Variants in CACNB4 observed in about 807,000 individuals in gnomAD.
CACNB4 encodes voltage-dependent L-type calcium channel subunit beta-4.
A neutral mutation model predicts 71.2 loss-of-function variants in CACNB4; 32 were observed. That is an observed-to-expected ratio of 0.45 (90% CI 0.34 to 0.60). CACNB4 has a LOEUF of 0.60. Ranked by LOEUF, CACNB4 falls within the 20% of genes least tolerant of loss-of-function variation. The pLI is 0.01. For missense variants in CACNB4, 464 were observed against 647.9 expected, an observed-to-expected ratio of 0.72 and a Z score of 3.08; for synonymous variants, 231 against 236.9, an observed-to-expected ratio of 0.97 and a Z score of 0.23.
chr2:151,971,897 T>A, intron 2 of CACNB4: 1 of 400,884 alleles, frequency 2.5e-6, no homozygotes. Flanking sequence ...TCCACAGATG[T>A]GCACAGCCCG....
rs1403901918 is a variant in CACNB4, at chr2:151,876,182, TG to T, written c.521+243del. 2.0e-5 allele frequency among the ~76,000 whole-genome samples: 3 copies of T among 152,166 alleles called. No individual in the cohort carries two copies. The East Asian group carries it at 5.8e-4, about 29-fold the overall frequency. Reference sequence around the variant, plus strand: ...GAAGTGACTCTCCTAGAGGAAAGCTTGGGTTCCAAGGAGGGCTTGCTGAGGC... The same window carrying T: ...GAAGTGACTCTCCTAGAGGAAAGCTTGGTTCCAAGGAGGGCTTGCTGAGGC... On this transcript the variant is annotated intron_variant, in intron 5 of 13. Transcript: ENST00000539935.
At chr2:152,021,944 C>G (rs990498318) in intron 2 of CACNB4, among the ~76,000 whole-genome samples, 6 of 152,158 alleles carry the variant, frequency 3.9e-5, no homozygotes, top group African/African-American at 1.4e-4. Context: ...TATTTAAAGT[C>G]AAGGCTATAT....
intron 2 of CACNB4, among the ~76,000 whole-genome samples, chr2:152,015,767 C>A (rs1369181749): frequency 2.0e-5 from 3 of 152,212 alleles, no homozygotes; most frequent in African/African-American, 7.2e-5. Context: ...CGGGCAGAAG[C>A]AACAAATGAG....
intron 2 of CACNB4, among the ~76,000 whole-genome samples, chr2:152,088,140 A>C (rs922488581): frequency 4.4e-5 from 6 of 136,938 alleles, no homozygotes; most frequent in African/African-American, 1.7e-4. Context: ...TTCCCCACTT[A>C]ACACACACAC....
chr2:151,880,775 G>T (rs1269586812), intron 4 of CACNB4, 25 bp downstream of exon 4: 3 of 1,600,786 alleles, frequency 1.9e-6, no homozygotes, highest in East Asian at 2.2e-5. Flanking sequence ...GGCAGGTGAA[G>T]GGATGCAGTA....
intron 2 of CACNB4, among the ~76,000 whole-genome samples, chr2:152,051,844 C>G (rs1198612231): frequency 6.6e-6 from 1 of 152,298 alleles, no homozygotes; most frequent in Middle Eastern, 3.4e-3. Context: ...AATCACTAAC[C>G]GTTCTGTCTC....
intron 2 of CACNB4, among the ~76,000 whole-genome samples, chr2:151,954,138 T>G (rs1474079120): frequency 1.3e-5 from 2 of 152,230 alleles, no homozygotes; most frequent in Non-Finnish European, 2.9e-5. Context: ...AGTGTGTCCC[T>G]GAAGCAACAA....
At chr2:152,096,205 C>G (rs1427839730) in intron 2 of CACNB4, among the ~76,000 whole-genome samples, 1 of 151,882 alleles carries the variant, frequency 6.6e-6, no homozygotes, top group African/African-American at 2.4e-5. Context: ...TTAAGTAGCC[C>G]GGGCATGGTG....
chr2:151,879,637 C>A (rs1471983979), intron 4 of CACNB4: 1 of 152,158 alleles, frequency 6.6e-6, no homozygotes, highest in Non-Finnish European at 1.5e-5. Context: ...ATTTGGATTT[C>A]CCTAAAATGA....
chr2:152,027,724 C>T (rs946367203), intron 2 of CACNB4, among the ~76,000 whole-genome samples: 9 of 152,114 alleles, frequency 5.9e-5, no homozygotes, highest in South Asian at 2.1e-4. Flanking sequence ...TGGTGGCGCA[C>T]GCCTATAATT....
At chr2:151,933,938 T>C (rs569730947) in intron 2 of CACNB4, among the ~76,000 whole-genome samples, 7 of 152,322 alleles carry the variant, frequency 4.6e-5, no homozygotes, top group African/African-American at 9.6e-5. Flanking sequence ...TGCAGTCTCA[T>C]GGCTATAGAA....
intron 9 of CACNB4, chr2:151,861,105 A>G (rs2099841528): frequency 2.7e-6 from 1 of 375,216 alleles, no homozygotes; most frequent in African/African-American, 2.1e-5. Flanking sequence ...TATAATATAC[A>G]CCACACCAGG....
At chr2:151,897,375 T>C (rs2151493876) in intron 2 of CACNB4, among the ~76,000 whole-genome samples, 1 of 152,304 alleles carries the variant, frequency 6.6e-6, no homozygotes, top group East Asian at 1.9e-4. Context: ...ACACATACAA[T>C]CAACTATTAC....
intron 5 of CACNB4, chr2:151,873,571 A>G (rs1203367743): frequency 6.6e-6 from 1 of 152,184 alleles, no homozygotes; most frequent in African/African-American, 2.4e-5. Context: ...AAGGGATGGG[A>G]AGTACAGGGA....
chr2:151,856,563 T>G (rs116453179), intron 10 of CACNB4: 1 of 152,146 alleles, frequency 6.6e-6, no homozygotes, highest in Non-Finnish European at 1.5e-5. Context: ...GCACCCACCT[T>G]GGTCTCCCAA....
intron 2 of CACNB4, among the ~76,000 whole-genome samples, chr2:152,076,666 C>A (rs1368102469): frequency 6.6e-6 from 1 of 152,184 alleles, no homozygotes; most frequent in Admixed American, 6.5e-5. Context: ...GACATCCTGT[C>A]TATCCTTGTG....
At chr2:151,960,610 G>C (rs1214819238) in intron 2 of CACNB4, among the ~76,000 whole-genome samples, 1 of 152,140 alleles carries the variant, frequency 6.6e-6, no homozygotes, top group Non-Finnish European at 1.5e-5. Context: ...GACTGGAGGG[G>C]CATGCTCTTA....
intron 2 of CACNB4, among the ~76,000 whole-genome samples, chr2:151,957,582 C>T (rs1003453223): frequency 2.0e-5 from 3 of 152,148 alleles, no homozygotes; most frequent in Non-Finnish European, 4.4e-5. Context: ...GTGCTGTGTG[C>T]ACTGTCACAA....
At chr2:151,914,506 C>T (rs2099856985) in intron 2 of CACNB4, among the ~76,000 whole-genome samples, 1 of 152,160 alleles carries the variant, frequency 6.6e-6, no homozygotes, top group Non-Finnish European at 1.5e-5. Context: ...CAGTTCTGTG[C>T]CCTTGACAGA....
Sources: gnomAD v4.1 joint callset for allele counts (sites outside exome capture counted in the v4.1 genomes callset) on GRCh38, gnomAD v4.1.1 for gene constraint, MANE v1.5 for transcripts, NCBI Gene and HGNC (gene_info 2026-07-23, HGNC 2026-07-21) for gene names.